CCDC32: variants seen among roughly 807,000 people sequenced by gnomAD.
CCDC32 encodes the protein coiled-coil domain containing 32, also known as coiled-coil domain-containing protein 32.
A neutral mutation model predicts 20.1 loss-of-function variants in CCDC32; 9 were observed. The ratio of observed to expected loss-of-function variants is 0.45; its 90% CI spans 0.27 to 0.78. The LOEUF (loss-of-function observed/expected upper bound fraction) is 0.78, where lower values mean the gene tolerates loss of function less well. Among genes scored for constraint, CCDC32 ranks in the 30% least tolerant of loss-of-function variants. CCDC32 has a pLI of 0.16. For missense variants in CCDC32, 204 were observed against 215.5 expected (o/e 0.95, Z 0.33); for synonymous variants, 63 against 79.0 (o/e 0.80, Z 1.07).
At chr15:40,546,193 CTTTT>C in intron 3 of CCDC32, among the ~76,000 whole-genome samples, 1 of 141,682 alleles carries the variant, frequency 7.1e-6, no homozygotes, top group Non-Finnish European at 1.5e-5. Context: ...TTTTTCTTTC[CTTTT>C]TTTTTTTTTT....
At chr15:40,521,661 C>A in the CCDC32 span, among the ~76,000 whole-genome samples, 1 of 152,162 alleles carries the variant, frequency 6.6e-6, no homozygotes, top group Non-Finnish European at 1.5e-5. Flanking sequence ...TATTGTCTAT[C>A]TTTTTGATAA....
intron 2 of CCDC32, among the ~76,000 whole-genome samples, chr15:40,559,630 CAT>C (rs1285078883): frequency 4.6e-5 from 7 of 152,154 alleles, no homozygotes; most frequent in Admixed American, 1.3e-4. Context: ...ATGTTTTTCT[CAT>C]ATCTTTTTCC....
chr15:40,537,093 G>A (rs1429786626), downstream of CCDC32: 1 of 152,232 alleles, frequency 6.6e-6, no homozygotes, highest in African/African-American at 2.4e-5. Flanking sequence ...TCTGGAGAAA[G>A]GAACCAAGAG....
intron 3 of CCDC32, among the ~76,000 whole-genome samples, chr15:40,543,245 A>G (rs1464274233): frequency 6.6e-6 from 1 of 152,176 alleles, no homozygotes; most frequent in Non-Finnish European, 1.5e-5. Flanking sequence ...CCCAGTGGTC[A>G]TGAAACTTGC....
In CCDC32 at chr15:40,557,217, T is replaced by C. The variant is rs780282292; in HGVS notation, c.400A>G (p.Ser134Gly). The C allele has an allele frequency of 2.5e-6, 4 of 1,610,998 alleles. No individual in the cohort carries two copies. Among genetic ancestry groups the C allele is most frequent in the Non-Finnish European group, 2.5e-6 (3 of 1,179,082 alleles). Residue 134 changes from serine to glycine, a missense_variant and splice_region_variant, in exon 3 of 4, where the codon AGC becomes GGC. Physicochemically the swap from Ser to Gly is moderately conservative, Grantham distance 56 (BLOSUM62 0). Transcript: ENST00000416810. ...FFVDGLDSDE[S>G]TLEHFKRWLQ... ...GGAACTAGACGGGGAATCGATTACC[T>C]CTCATCAGAATCAAGTCCATCCACA... is the stretch of plus-strand genomic sequence containing the variant.
chr15:40,561,428 G>A (rs751620608), intron 2 of CCDC32, among the ~76,000 whole-genome samples: 9 of 151,272 alleles, frequency 5.9e-5, no homozygotes, highest in African/African-American at 9.7e-5. Context: ...AGTCGAGATC[G>A]TGCCACTGCA....
chr15:40,549,663 G>A (rs1481851559), downstream of CCDC32, among the ~76,000 whole-genome samples: 1 of 152,130 alleles, frequency 6.6e-6, no homozygotes, highest in African/African-American at 2.4e-5. Flanking sequence ...ACATGGCAGG[G>A]GCTCAACAAA....
intron 3 of CCDC32, among the ~76,000 whole-genome samples, chr15:40,543,065 C>G (rs573986382): frequency 8.8e-4 from 133 of 151,322 alleles, no homozygotes; most frequent in African/African-American, 3.1e-3. Flanking sequence ...CAGCTTGAGC[C>G]CGGGAGGTTG....
At chr15:40,557,179 G>C in intron 3 of CCDC32, 37 bp downstream of exon 3, 6 of 1,576,468 alleles carry the variant, frequency 3.8e-6, no homozygotes, top group Non-Finnish European at 5.2e-6. Flanking sequence ...CTACATAAAG[G>C]ATGATTTCAG....
chr15:40,560,978 G>A (rs1890581613), intron 2 of CCDC32, among the ~76,000 whole-genome samples: 1 of 152,196 alleles, frequency 6.6e-6, no homozygotes, highest in Non-Finnish European at 1.5e-5. Flanking sequence ...ATCGAGCAAT[G>A]AGTAGATAAA....
chr15:40,522,938 C>T, the CCDC32 span, among the ~76,000 whole-genome samples: 1 of 151,560 alleles, frequency 6.6e-6, no homozygotes, highest in Admixed American at 6.6e-5. Context: ...GCGATTCTCC[C>T]GCCTCAACCT....
chr15:40,547,337 A>C (rs1310533083), intron 3 of CCDC32, among the ~76,000 whole-genome samples: 1 of 152,132 alleles, frequency 6.6e-6, no homozygotes, highest in Non-Finnish European at 1.5e-5. Context: ...CAGGCAGGGC[A>C]GGGCAGGGTT....
At chr15:40,528,110 C>G (rs376770845), downstream of CCDC32, among the ~76,000 whole-genome samples, 1 of 152,228 alleles carries the variant, frequency 6.6e-6, no homozygotes, top group African/African-American at 2.4e-5. Flanking sequence ...CAACCTTCAG[C>G]ACAGGGCACT....
chr15:40,535,555 GCTTCCTTTCGTTCAGT>G, downstream of CCDC32: 2 of 984,586 alleles, frequency 2.0e-6, no homozygotes, highest in Non-Finnish European at 2.4e-6. Context: ...CCTCCACTCA[GCTTCCTTTCGTTCAGT>G]CTTCAGGCAC....
chr15:40,539,094 C>T, downstream of CCDC32: 1 of 656,504 alleles, frequency 1.5e-6, no homozygotes, highest in Non-Finnish European at 2.6e-6. Flanking sequence ...TTTCTTCATT[C>T]AGCCCAGCCC....
chr15:40,538,968 G>A, downstream of CCDC32: 2 of 484,654 alleles, frequency 4.1e-6, no homozygotes, highest in East Asian at 7.5e-5. Context: ...GCTCACCGCA[G>A]GAGCCTGCTG....
intron 3 of CCDC32, among the ~76,000 whole-genome samples, chr15:40,547,191 C>G (rs1441241548): frequency 6.6e-6 from 1 of 151,928 alleles, no homozygotes; most frequent in Non-Finnish European, 1.5e-5. Flanking sequence ...TCAGTGCACC[C>G]CAGGTTTCAA....
downstream of CCDC32, among the ~76,000 whole-genome samples, chr15:40,524,307 C>T (rs1894871418): frequency 6.6e-6 from 1 of 151,900 alleles, no homozygotes; most frequent in Non-Finnish European, 1.5e-5. Flanking sequence ...TAGGCACCCG[C>T]CACCACGCCC....
At chr15:40,564,778 C>T (rs1213907011) in intron 1 of CCDC32, 198 bp downstream of exon 1, 1 of 1,614,208 alleles carries the variant, frequency 6.2e-7, no homozygotes, top group Non-Finnish European at 8.5e-7. Flanking sequence ...CAGAGCCCCG[C>T]ATGGCCCCTT....
Sources: gnomAD v4.1 joint callset for allele counts (sites outside exome capture counted in the v4.1 genomes callset) on GRCh38, gnomAD v4.1.1 for gene constraint, MANE v1.5 for transcripts, NCBI Gene and HGNC (gene_info 2026-07-23, HGNC 2026-07-21) for gene names.